The following SNAP47 variants were observed in gnomAD, a reference collection of about 807,000 sequenced individuals.
The protein encoded by SNAP47 is synaptosome associated protein 47.
Under a neutral mutation model 31.4 loss-of-function variants are expected in SNAP47, and 20 were observed. That is an observed-to-expected ratio of 0.64 (90% CI 0.45 to 0.93). SNAP47 has a LOEUF of 0.93. Among genes scored for constraint, SNAP47 ranks in the 40% least tolerant of loss-of-function variants. The probability of loss-of-function intolerance (pLI) is 0.00; values close to 1 mark genes in which losing one functional copy is unlikely to be tolerated. For missense variants in SNAP47, 492 were observed against 528.5 expected (o/e 0.93, Z 0.68); for synonymous variants, 194 against 213.4 (o/e 0.91, Z 0.79).
intron 2 of SNAP47, among the ~76,000 whole-genome samples, chr1:227,755,832 G>A (rs559370456): frequency 6.8e-4 from 102 of 151,034 alleles, no homozygotes; most frequent in African/African-American, 2.4e-3. Context: ...GCAGAATGAC[G>A]TGGAGTTTGT....
At chr1:227,759,531 T>A in intron 3 of SNAP47, 46 bp downstream of exon 3, 1 of 1,587,072 alleles carries the variant, frequency 6.3e-7, no homozygotes, top group Non-Finnish European at 8.6e-7. Flanking sequence ...ACTTCTAAAA[T>A]TACAGGCAGA....
At position 227,780,828 on chromosome 1, in the gene SNAP47, C is replaced by A; in HGVS notation, c.*155C>A. ...GTGGGGCTGCTTCTGCACCAGGGGC[C>A]TCCCCAGGTGTGCACCATGCCTGCC... On this transcript the variant is annotated 3_prime_UTR_variant, in exon 5 of 5. Transcript: ENST00000617596. The A allele has an allele frequency of 9.4e-7, 1 of 1,058,820 alleles. No homozygotes were observed. The highest frequency in any genetic ancestry group is 1.6e-5 in the South Asian group (1 of 61,716). 65.6% of individuals were successfully genotyped at this position (1,058,820 alleles called of 1,614,324 possible).
At chr1:227,769,737 G>A (rs1663670782) in intron 4 of SNAP47, among the ~76,000 whole-genome samples, 1 of 152,166 alleles carries the variant, frequency 6.6e-6, no homozygotes, top group Non-Finnish European at 1.5e-5. Flanking sequence ...GCTGTAGGAG[G>A]TGGATTTGAC....
At position 227,741,930 on chromosome 1, in the gene SNAP47, T is replaced by C. The variant is rs544231532; in HGVS notation, c.-45-5762T>C. 3.3e-4 allele frequency among the ~76,000 whole-genome samples: 50 copies of C among 152,322 alleles called. No individual in the cohort carries two copies. The highest frequency in any genetic ancestry group is 1.2e-3 in the African/African-American group (50 of 41,578). ...CTGGGCTGTTGTCAAACTTGAATAC[T>C]TTCCTTATATTTATTGTTTAAAATG... On this transcript the variant is annotated intron_variant, in intron 1 of 4. Transcript: ENST00000617596. This position sits in a 1 kb window ranked among gnomAD's most constrained non-coding sequence, Gnocchi z 4.2.
chr1:227,761,009 G>A (rs942015977), intron 3 of SNAP47, among the ~76,000 whole-genome samples: 3 of 152,156 alleles, frequency 2.0e-5, no homozygotes, highest in African/African-American at 7.2e-5. Flanking sequence ...TAGCTAATAC[G>A]CATGCATGTA....
chr1:227,750,764 C>T (rs1351885067), intron 2 of SNAP47, among the ~76,000 whole-genome samples: 1 of 152,196 alleles, frequency 6.6e-6, no homozygotes, highest in African/African-American at 2.4e-5. Context: ...ATGTGGCTTT[C>T]CCTGCTTCCT....
chr1:227,758,328 CAAGACG>C (rs573067199), intron 2 of SNAP47, among the ~76,000 whole-genome samples: 23 of 152,230 alleles, frequency 1.5e-4, no homozygotes, highest in Non-Finnish European at 2.8e-4. Context: ...ATTCATCCTG[CAAGACG>C]TGCCGGGTTC....
At chr1:227,776,015 G>A (rs1354843788) in intron 4 of SNAP47, 3 of 1,217,748 alleles carry the variant, frequency 2.5e-6, no homozygotes, top group Non-Finnish European at 3.2e-6. Context: ...GCTATCCTGG[G>A]GGACCATGGC....
rs1338645988 is a variant in SNAP47, at chr1:227,780,659, A to G, written c.1246A>G (p.Lys416Glu). The G allele has an allele frequency of 6.2e-7, 1 of 1,614,038 alleles. No individual in the cohort carries two copies. Among genetic ancestry groups the G allele is most frequent in the Non-Finnish European group, 8.5e-7 (1 of 1,180,026 alleles). ...LTIDKHNRRMKRLT is the reference protein window; with the variant it reads ...LTIDKHNRRMERLT ...CATCGACAAGCACAACAGGCGGATG[A>G]AGAGGCTGACCTAGGGGCAGAACGT... Residue 416 changes from lysine (K) to glutamate (E), a missense_variant, in exon 5 of 5, where the codon AAG becomes GAG. Physicochemically the swap from Lys to Glu is moderately conservative, Grantham distance 56. Coordinates refer to ENST00000617596, the MANE Select transcript of SNAP47 (RefSeq NM_053052.4).
At chr1:227,772,346 C>G (rs1432281989) in intron 4 of SNAP47, among the ~76,000 whole-genome samples, 1 of 151,962 alleles carries the variant, frequency 6.6e-6, no homozygotes, top group Non-Finnish European at 1.5e-5. Context: ...GCCCCAGCCC[C>G]CCGCCCACCA....
intron 3 of SNAP47, among the ~76,000 whole-genome samples, chr1:227,765,585 G>A (rs936250746): frequency 6.6e-6 from 1 of 152,244 alleles, no homozygotes. Flanking sequence ...CTTGGGTGTT[G>A]CAAACCTAGG....
intron 4 of SNAP47, chr1:227,775,787 A>T: frequency 2.3e-6 from 3 of 1,303,930 alleles, no homozygotes; most frequent in Non-Finnish European, 3.0e-6. Context: ...TTTGCTCTGC[A>T]GGGCTTCCGG....
intron 1 of SNAP47, among the ~76,000 whole-genome samples, chr1:227,738,926 G>C (rs1262735873): frequency 2.0e-5 from 3 of 152,296 alleles, no homozygotes; most frequent in East Asian, 3.9e-4. Flanking sequence ...GACTTGGTGG[G>C]AGATGGAGCT....
chr1:227,739,487 G>A (rs1032434032), intron 1 of SNAP47, among the ~76,000 whole-genome samples: 2 of 152,224 alleles, frequency 1.3e-5, no homozygotes, highest in African/African-American at 4.8e-5. Context: ...GGTCTGAGGA[G>A]CAGGGGAGGG....
In SNAP47 at chr1:227,741,649, G is replaced by C; in HGVS notation, c.-45-6043G>C. ...GAGGGTGGGATCAGGGCCCCGGGAG[G>C]AGGGTCTGGCCTTGGAGGTGAAAAG... On this transcript the variant is annotated intron_variant, in intron 1 of 4. Coordinates refer to ENST00000617596, the MANE Select transcript of SNAP47 (RefSeq NM_053052.4). This position sits in a 1 kb window ranked among gnomAD's most constrained non-coding sequence, Gnocchi z 4.2. Among the ~76,000 whole-genome samples the C allele has an allele frequency of 6.6e-6, 1 of 152,166 alleles. No homozygotes were observed. The highest frequency in any genetic ancestry group is 1.5e-5 in the Non-Finnish European group (1 of 68,014).
chr1:227,753,285 A>T (rs1662493633), intron 2 of SNAP47, among the ~76,000 whole-genome samples: 1 of 152,214 alleles, frequency 6.6e-6, no homozygotes, highest in Non-Finnish European at 1.5e-5. Flanking sequence ...TCCATCTTGG[A>T]TACTAATAGG....
chr1:227,766,724 T>C (rs998061072), intron 3 of SNAP47, among the ~76,000 whole-genome samples: 4 of 152,236 alleles, frequency 2.6e-5, no homozygotes, highest in African/African-American at 9.6e-5. Flanking sequence ...ACTTGGGATG[T>C]AGGGCTTTTA....
At position 227,767,964 on chromosome 1, in the gene SNAP47, T is replaced by C. The variant is rs1361529303; in HGVS notation, c.1113+881T>C. ...TAAATACTCCTATCTTGTCCAGAGG[T>C]TGTTGCCTAACATGCTGGCTTTCCA... On this transcript the variant is annotated intron_variant, in intron 4 of 4. Transcript: ENST00000617596. Among the ~76,000 whole-genome samples the C allele has an allele frequency of 2.0e-5, 3 of 152,230 alleles. No individual in the cohort carries two copies. The East Asian group carries it at 5.8e-4, about 29-fold the overall frequency.
Position 227,748,146 on chromosome 1 carries a change from C to T in SNAP47, c.410C>T (p.Ala137Val). 6 of 1,613,752 alleles carry T rather than the reference C, an allele frequency of 3.7e-6. No individual in the cohort carries two copies. Among genetic ancestry groups the T allele is most frequent in the Non-Finnish European group, 4.2e-6 (5 of 1,179,976 alleles). The change falls in exon 2 of 5, where the codon GCG becomes GTG. Residue 137 changes from alanine to valine, a missense_variant. Ala to Val is a moderately conservative substitution (Grantham distance 64). Transcript: ENST00000617596. ...AGSQKRLEDT[A>V]RVLHHQGQQL... Reference sequence around the variant, plus strand: ...TCCCAGAAACGCCTGGAGGACACGGCGAGGGTCCTGCACCACCAGGGCCAG... The same window carrying T: ...TCCCAGAAACGCCTGGAGGACACGGTGAGGGTCCTGCACCACCAGGGCCAG...
Sources: allele counts gnomAD v4.1 joint callset (sites outside exome capture counted in the v4.1 genomes callset), GRCh38; gene constraint gnomAD v4.1.1; non-coding constraint Gnocchi (gnomAD v3.1); transcripts MANE v1.5; gene names NCBI Gene and HGNC (gene_info 2026-07-23, HGNC 2026-07-21).